ITM2C: variants seen among roughly 807,000 people sequenced by gnomAD.
The protein encoded by ITM2C is BRICHOS domain containing 2C.
A neutral mutation model predicts 30.0 loss-of-function variants in ITM2C; 20 were observed. The observed-to-expected ratio is 0.67, with a 90% CI of 0.47 to 0.97. ITM2C has a LOEUF of 0.97. ITM2C is among the 50% of genes least tolerant of loss of function. The pLI is 0.00. For missense variants in ITM2C, 366 were observed against 371.9 expected, an observed-to-expected ratio of 0.98 and a Z score of 0.13; for synonymous variants, 167 against 156.4, an observed-to-expected ratio of 1.07 and a Z score of -0.51.
intron 1 of ITM2C, 104 bp from the exon 2 acceptor site, chr2:230,873,313 A>T: frequency 8.4e-7 from 1 of 1,195,620 alleles, no homozygotes; most frequent in Non-Finnish European, 1.1e-6. Context: ...CTTTCCCCCA[A>T]GACTCCCTCC....
intron 1 of ITM2C, among the ~76,000 whole-genome samples, chr2:230,871,269 C>A (rs1423297587): frequency 6.6e-6 from 1 of 152,250 alleles, no homozygotes; most frequent in African/African-American, 2.4e-5. Flanking sequence ...GGCAGCCTGG[C>A]CTGTGTCAGG....
intron 1 of ITM2C, 146 bp from the exon 2 acceptor site, chr2:230,873,271 C>G (rs1233996642): frequency 1.4e-6 from 1 of 731,194 alleles, no homozygotes; most frequent in Admixed American, 3.8e-5. Flanking sequence ...GTGGGCCTTC[C>G]TTTCCCTTCT....
intron 1 of ITM2C, among the ~76,000 whole-genome samples, chr2:230,872,412 G>T (rs903122106): frequency 6.6e-6 from 1 of 152,148 alleles, no homozygotes; most frequent in African/African-American, 2.4e-5. Flanking sequence ...GCTGGCTCTC[G>T]TCAGTGCTCT....
At chr2:230,871,146 G>A (rs576078163) in intron 1 of ITM2C, among the ~76,000 whole-genome samples, 28 of 152,362 alleles carry the variant, frequency 1.8e-4, no homozygotes, top group Middle Eastern at 3.4e-3. Context: ...TGGGAGACCC[G>A]AGAAGGGGGA....
chr2:230,877,901 G>C lies in ITM2C; in HGVS notation c.713-107G>C. The C allele has an allele frequency of 1.2e-6, 1 of 858,486 alleles. No homozygotes were observed. Among genetic ancestry groups the C allele is most frequent in the South Asian group, 1.6e-5 (1 of 62,574 alleles). 53.2% of individuals were successfully genotyped at this position (858,486 alleles called of 1,614,324 possible). On this transcript the variant is annotated intron_variant, in intron 5 of 5. Transcript: ENST00000326427. This position sits in a 1 kb window ranked among gnomAD's most constrained non-coding sequence, Gnocchi z 4.8. ...CACTGTGCTCTTTGGGTGAATCTGG[G>C]TGAATGGTGTCACTTCCTGGCCCTC... is the stretch of plus-strand genomic sequence containing the variant.
intron 1 of ITM2C, among the ~76,000 whole-genome samples, chr2:230,866,604 C>A (rs989991482): frequency 2.0e-5 from 3 of 152,126 alleles, no homozygotes; most frequent in Non-Finnish European, 4.4e-5. Context: ...CAGCTCCCCC[C>A]TTTTCATCTG....
intron 1 of ITM2C, among the ~76,000 whole-genome samples, chr2:230,870,214 C>A (rs1367426605): frequency 3.3e-5 from 5 of 152,184 alleles, no homozygotes; most frequent in African/African-American, 1.2e-4. Flanking sequence ...GGTTCCAGGG[C>A]TTTGGTGTTT....
At chr2:230,876,691 C>T (rs1036252924) in intron 3 of ITM2C, among the ~76,000 whole-genome samples, 166 bp from the exon 4 acceptor site, 2 of 152,066 alleles carry the variant, frequency 1.3e-5, no homozygotes, top group African/African-American at 4.8e-5. Context: ...CCATGTTAGT[C>T]AGGATGGTCT....
Position 230,877,872 on chromosome 2 carries a change from T to G in ITM2C, c.713-136T>G. ...ACTCCAGCTTTCGAGCTCTCCCCAT[T>G]TCTCACTGTGCTCTTTGGGTGAATC... On this transcript the variant is annotated intron_variant, in intron 5 of 5. Transcript: ENST00000326427. The surrounding 1 kb of genome is among the most constrained non-coding windows in gnomAD (Gnocchi z 4.8). The G allele has an allele frequency of 1.4e-6, 1 of 719,042 alleles. No homozygotes were observed. Among genetic ancestry groups the G allele is most frequent in the Non-Finnish European group, 2.3e-6 (1 of 427,754 alleles). The allele number at this position is 719,042 out of a possible 1,614,324, so 44.5% of individuals were successfully genotyped here.
chr2:230,872,722 T>C (rs1045139065), intron 1 of ITM2C, among the ~76,000 whole-genome samples: 1 of 151,982 alleles, frequency 6.6e-6, no homozygotes, highest in Admixed American at 6.5e-5. Flanking sequence ...GGGGGGCCAG[T>C]GTGGATCACA....
chr2:230,865,318 G>A lies in ITM2C; in HGVS notation c.120+173G>A, dbSNP rs896948029. On this transcript the variant is annotated intron_variant, in intron 1 of 5. Transcript: ENST00000326427. The surrounding 1 kb of genome is among the most constrained non-coding windows in gnomAD (Gnocchi z 6.8). ...ATCCCAGAATGAGGAGGGGGCTTAA[G>A]TCCCGTACTAAAGCGGCAGCCAAAA... The A allele has an allele frequency of 6.2e-6, 4 of 644,098 alleles. No homozygotes were observed. The highest frequency in any genetic ancestry group is 4.9e-4 in the Middle Eastern group (1 of 2,024). The allele number at this position is 644,098 out of a possible 1,614,324, so 39.9% of individuals were successfully genotyped here.
chr2:230,873,725 C>T (rs1279901449), intron 2 of ITM2C, among the ~76,000 whole-genome samples, 168 bp downstream of exon 2: 2 of 152,214 alleles, frequency 1.3e-5, no homozygotes, highest in Non-Finnish European at 2.9e-5. Flanking sequence ...CTCCTTGGGG[C>T]CTCCTTGGAT....
At position 230,865,120 on chromosome 2, in the gene ITM2C, C is replaced by T. The variant is rs757338842; in HGVS notation, c.95C>T (p.Thr32Ile). 1.6e-5 allele frequency: 24 copies of T among 1,499,998 alleles called. No individual in the cohort carries two copies. The South Asian group carries it at 2.9e-4, about 18-fold the overall frequency. The allele number at this position is 1,499,998 out of a possible 1,614,324, so 92.9% of individuals were successfully genotyped here. Reference sequence around the variant, plus strand: ...TCGGCCCCTGCGCCGGCCTCGGCCACCGAGATCCTGCTGACGCCGGCTAGG... The same window carrying T: ...TCGGCCCCTGCGCCGGCCTCGGCCATCGAGATCCTGCTGACGCCGGCTAGG... The part of the protein sequence containing the change: ...SASAPAPASA[T>I]EILLTPAREE... The change falls in exon 1 of 6, where the codon ACC becomes ATC. Residue 32 changes from threonine (T) to isoleucine (I), a missense_variant. By Grantham distance (89) the Thr-to-Ile change is moderately conservative. Coordinates refer to ENST00000326427, the MANE Select transcript of ITM2C (RefSeq NM_030926.6). The surrounding 1 kb of genome is among the most constrained non-coding windows in gnomAD (Gnocchi z 6.8).
intron 3 of ITM2C, among the ~76,000 whole-genome samples, chr2:230,876,574 T>C (rs1299019940): frequency 6.6e-6 from 1 of 152,104 alleles, no homozygotes; most frequent in Non-Finnish European, 1.5e-5. Flanking sequence ...CTCCGCCTCC[T>C]GGGTTCACAC....
rs954853834 is a variant in ITM2C, at chr2:230,865,348, A to G, written c.120+203A>G. 1.7e-5 allele frequency: 8 copies of G among 484,438 alleles called. No homozygotes were observed. In the East Asian group the frequency reaches 2.9e-4, roughly 17 times the overall value. 30.0% of individuals were successfully genotyped at this position (484,438 alleles called of 1,614,324 possible). On this transcript the variant is annotated intron_variant, in intron 1 of 5. Transcript: ENST00000326427. This position sits in a 1 kb window ranked among gnomAD's most constrained non-coding sequence, Gnocchi z 6.8. ...GTACTAAAGCGGCAGCCAAAAGCTG[A>G]AGTCCGAAGAGTGGGAGGCGTCTGG...
At chr2:230,866,815 G>A (rs1232103783) in intron 1 of ITM2C, among the ~76,000 whole-genome samples, 1 of 152,154 alleles carries the variant, frequency 6.6e-6, no homozygotes, top group Non-Finnish European at 1.5e-5. Flanking sequence ...GATATTTGAG[G>A]AGGGAGGACC....
In ITM2C at chr2:230,865,084, A is replaced by G; in HGVS notation, c.59A>G (p.Lys20Arg). ...VAGIKGDKAD[K>R]ASASAPAPAS... The stretch of plus-strand genomic sequence containing the variant: ...GGCATCAAGGGCGACAAGGCTGACA[A>G]GGCGTCGGCGTCGGCCCCTGCGCCG... The change falls in exon 1 of 6, where the codon AAG becomes AGG. Residue 20 changes from lysine (K) to arginine (R), a missense_variant. By Grantham distance (26) the Lys-to-Arg change is conservative (BLOSUM62 2). Transcript: ENST00000326427. This position sits in a 1 kb window ranked among gnomAD's most constrained non-coding sequence, Gnocchi z 6.8. The G allele has an allele frequency of 6.5e-7, 1 of 1,535,432 alleles. No homozygotes were observed. The highest frequency in any genetic ancestry group is 1.9e-5 in the Admixed American group (1 of 52,620).
intron 3 of ITM2C, among the ~76,000 whole-genome samples, chr2:230,876,303 C>T (rs1008981416): frequency 2.0e-5 from 3 of 152,222 alleles, no homozygotes; most frequent in Non-Finnish European, 2.9e-5. Flanking sequence ...TTTATAACAA[C>T]AGAGGCGTTT....
At chr2:230,870,680 G>A (rs890418982) in intron 1 of ITM2C, among the ~76,000 whole-genome samples, 6 of 152,134 alleles carry the variant, frequency 3.9e-5, no homozygotes, top group Non-Finnish European at 8.8e-5. Context: ...CCCTCGGTGG[G>A]GCCTCCGAGC....
Sources: gnomAD v4.1 joint callset for allele counts (sites outside exome capture counted in the v4.1 genomes callset) on GRCh38, gnomAD v4.1.1 for gene constraint, Gnocchi (gnomAD v3.1) non-coding constraint, MANE v1.5 for transcripts, NCBI Gene and HGNC (gene_info 2026-07-23, HGNC 2026-07-21) for gene names.